Variants in CYP19A1 observed in about 807,000 individuals in gnomAD.
The protein encoded by CYP19A1 is cytochrome P450 family 19 subfamily A member 1.
In CYP19A1, 32 loss-of-function variants were observed where a neutral mutation model predicts 44.4. The ratio of observed to expected loss-of-function variants is 0.72; its 90% CI spans 0.54 to 0.97. CYP19A1 has a LOEUF of 0.97. CYP19A1 is among the 50% of genes least tolerant of loss of function. CYP19A1 has a pLI of 0.00. For synonymous variants in CYP19A1, 212 were observed against 215.6 expected (o/e 0.98, Z 0.14); for missense variants, 598 against 637.8 (o/e 0.94, Z 0.67).
At chr15:51,271,220 G>A (rs1288299487) in intron 1 of CYP19A1, among the ~76,000 whole-genome samples, 1 of 151,996 alleles carries the variant, frequency 6.6e-6, no homozygotes, top group Admixed American at 6.5e-5. Context: ...GTGGTCTCCA[G>A]ATCTTCTGTT....
intron 1 of CYP19A1, among the ~76,000 whole-genome samples, chr15:51,336,404 T>G (rs1427225328): frequency 1.3e-5 from 2 of 152,206 alleles, no homozygotes; most frequent in Non-Finnish European, 2.9e-5. Flanking sequence ...GGTGTGAAGT[T>G]TCTTGGGGTT....
At chr15:51,314,881 G>T (rs543489677) in intron 1 of CYP19A1, among the ~76,000 whole-genome samples, 1 of 151,878 alleles carries the variant, frequency 6.6e-6, no homozygotes, top group African/African-American at 2.4e-5. Context: ...TCCTACTTCC[G>T]ACCCAGTCTC....
intron 1 of CYP19A1, among the ~76,000 whole-genome samples, chr15:51,326,755 C>T (rs1476834227): frequency 6.6e-6 from 1 of 152,174 alleles, no homozygotes; most frequent in East Asian, 1.9e-4. Context: ...ATGATACCAT[C>T]TAACAAAATG....
chr15:51,274,003 T>TCACA (rs34082137), intron 1 of CYP19A1, among the ~76,000 whole-genome samples: 27 of 149,996 alleles, frequency 1.8e-4, no homozygotes, highest in Non-Finnish European at 2.4e-4. Context: ...TGAAATTTTG[T>TCACA]CACACACACA....
chr15:51,306,900 A>T (rs2036225871), intron 1 of CYP19A1, among the ~76,000 whole-genome samples: 1 of 152,250 alleles, frequency 6.6e-6, no homozygotes, highest in Non-Finnish European at 1.5e-5. Context: ...AGGAATGAGA[A>T]GAAGAGAACT....
Position 51,215,067 on chromosome 15 carries a change from T to C in CYP19A1, c.1021+3A>G. 6.2e-7 allele frequency: 1 copy of C among 1,612,582 alleles called. No individual in the cohort carries two copies. The highest frequency in any genetic ancestry group is 8.5e-7 in the Non-Finnish European group (1 of 1,179,114). On this transcript the variant is annotated splice_donor_region_variant and intron_variant, in intron 8 of 9. Coordinates refer to ENST00000396402, the MANE Select transcript of CYP19A1 (RefSeq NM_000103.4). ...ATGTATTATTTATTTGATAAATTCT[T>C]ACCAATAACAGTCTGGATTTCCTTT...
intron 1 of CYP19A1, among the ~76,000 whole-genome samples, chr15:51,251,660 A>G (rs1375601722): frequency 6.6e-6 from 1 of 152,220 alleles, no homozygotes; most frequent in Non-Finnish European, 1.5e-5. Context: ...ATATCCTCAG[A>G]GGGATGTTTG....
chr15:51,212,131 C>T (rs1307838891), intron 9 of CYP19A1, 189 bp downstream of exon 9: 2 of 637,228 alleles, frequency 3.1e-6, no homozygotes, highest in East Asian at 2.7e-5. Context: ...GACCCAACAT[C>T]CTTGAAGGCT....
At chr15:51,211,628 T>C (rs1042991975) in intron 9 of CYP19A1, 1 of 425,766 alleles carries the variant, frequency 2.3e-6, no homozygotes, top group African/African-American at 2.1e-5. Flanking sequence ...ATTGCCCGTG[T>C]AGAAACAAAA....
At position 51,304,890 on chromosome 15, in the gene CYP19A1, C is replaced by CTTTTTTTTTTTTTTTTTT; in HGVS notation, c.-39+33587_-39+33604dup. The stretch of plus-strand genomic sequence containing the variant: ...ATCCCTCAGGTAATTGTGTCTCTTC[C>CTTTTTTTTTTTTTTTTTT]TTTTTTTTTTTTTTTTTTTTTTTTT... On this transcript the variant is annotated intron_variant, in intron 1 of 9. Transcript: ENST00000396402. Among the ~76,000 whole-genome samples the CTTTTTTTTTTTTTTTTTT allele has an allele frequency of 4.9e-4, 51 of 104,576 alleles. 11 individuals carry two copies. The highest frequency in any genetic ancestry group is 2.2e-3 in the African/African-American group (45 of 20,872). The allele number at this position is 104,576 out of a possible 152,430, so 68.6% of individuals were successfully genotyped here. A position where few individuals can be genotyped will look rare whatever the true frequency, so the allele number is the denominator to read the frequency against.
At chr15:51,336,148 T>C (rs2141034434) in intron 1 of CYP19A1, among the ~76,000 whole-genome samples, 1 of 152,296 alleles carries the variant, frequency 6.6e-6, no homozygotes, top group East Asian at 1.9e-4. Flanking sequence ...ACTGCATTCC[T>C]TTCTTCCAGA....
At chr15:51,313,201 T>G (rs1353274885) in intron 1 of CYP19A1, 3 of 152,282 alleles carry the variant, frequency 2.0e-5, no homozygotes, top group Non-Finnish European at 2.9e-5. Flanking sequence ...CAAAAAGATG[T>G]CAAAAGGTGA....
chr15:51,318,346 G>A (rs1462288742), intron 1 of CYP19A1: 1 of 152,248 alleles, frequency 6.6e-6, no homozygotes. Flanking sequence ...CCAAAGATAA[G>A]TTCCAACAAC....
chr15:51,218,781 A>G (rs2031816832), intron 5 of CYP19A1, 126 bp from the exon 6 acceptor site: 1 of 1,500,506 alleles, frequency 6.7e-7, no homozygotes, highest in Middle Eastern at 1.7e-4. Context: ...TTCTAAGCTC[A>G]GCAAGATTCC....
chr15:51,328,039 G>A (rs537367596), intron 1 of CYP19A1, among the ~76,000 whole-genome samples: 38 of 152,044 alleles, frequency 2.5e-4, no homozygotes, highest in Admixed American at 3.3e-4. Flanking sequence ...GTGTAGAGTC[G>A]CCATGAATGC....
At chr15:51,267,463 C>T (rs1033599142) in intron 1 of CYP19A1, among the ~76,000 whole-genome samples, 1 of 152,186 alleles carries the variant, frequency 6.6e-6, no homozygotes, top group Admixed American at 6.5e-5. Context: ...GCTGGCGGGC[C>T]AAAGGCCGAC....
At chr15:51,255,400 C>T (rs2034475487) in intron 1 of CYP19A1, 1 of 152,150 alleles carries the variant, frequency 6.6e-6, no homozygotes. Context: ...TCATTTATGA[C>T]ATGGGAAACA....
chr15:51,287,822 A>G (rs2140983428), intron 1 of CYP19A1, among the ~76,000 whole-genome samples: 1 of 152,364 alleles, frequency 6.6e-6, no homozygotes, highest in African/African-American at 2.4e-5. Flanking sequence ...AGCCAATTTT[A>G]TTGGCAACTA....
At chr15:51,259,666 A>G (rs1416611629) in intron 1 of CYP19A1, among the ~76,000 whole-genome samples, 2 of 152,226 alleles carry the variant, frequency 1.3e-5, no homozygotes, top group African/African-American at 4.8e-5. Context: ...GCCTTCCTCA[A>G]CATCTTTAAC....
Sources: gnomAD v4.1 joint callset for allele counts (sites outside exome capture counted in the v4.1 genomes callset) on GRCh38, gnomAD v4.1.1 for gene constraint, MANE v1.5 for transcripts, NCBI Gene and HGNC (gene_info 2026-07-23, HGNC 2026-07-21) for gene names.